Variants in ZRANB3 observed in about 807,000 individuals in gnomAD.
The protein encoded by ZRANB3 is zinc finger RANBP2-type containing 3.
In ZRANB3, 125 loss-of-function variants were observed where a neutral mutation model predicts 133.8. That is an observed-to-expected ratio of 0.93 (90% CI 0.81 to 1.08). The LOEUF is 1.08. Among genes scored for constraint, ZRANB3 ranks in the 50% least tolerant of loss-of-function variants. The pLI, the probability that ZRANB3 is intolerant of heterozygous loss-of-function variation, is 0.00. For synonymous variants in ZRANB3, 387 were observed against 432.7 expected (o/e 0.89, Z 1.31); for missense variants, 1,229 against 1,275.5 (o/e 0.96, Z 0.56).
chr2:135,521,571 A>C (rs1693941490), intron 1 of ZRANB3, among the ~76,000 whole-genome samples: 2 of 152,196 alleles, frequency 1.3e-5, no homozygotes, highest in South Asian at 4.1e-4. Context: ...TATGCTTCAG[A>C]CACTACAGAA....
intron 6 of ZRANB3, among the ~76,000 whole-genome samples, chr2:135,321,965 C>T (rs1683548291): frequency 6.6e-6 from 1 of 151,946 alleles, no homozygotes; most frequent in Admixed American, 6.6e-5. Context: ...TGTCTTTTAT[C>T]GTTCATGAAG....
chr2:135,470,424 G>A (rs1691204758), intron 2 of ZRANB3, among the ~76,000 whole-genome samples: 1 of 152,000 alleles, frequency 6.6e-6, no homozygotes, highest in African/African-American at 2.4e-5. Context: ...GGTGGCTCAC[G>A]CCTGTAATCC....
intron 12 of ZRANB3, among the ~76,000 whole-genome samples, chr2:135,232,427 G>A (rs535148310): frequency 1.4e-4 from 22 of 152,340 alleles, no homozygotes; most frequent in African/African-American, 5.0e-4. Flanking sequence ...GTCCCTGTCT[G>A]ACAGCTTTGA....
At chr2:135,392,088 G>A (rs1433587353) in intron 2 of ZRANB3, among the ~76,000 whole-genome samples, 1 of 151,958 alleles carries the variant, frequency 6.6e-6, no homozygotes. Flanking sequence ...ATATGATAAG[G>A]GGTAAAACTA....
chr2:135,482,697 T>C (rs1254725234), intron 2 of ZRANB3, among the ~76,000 whole-genome samples: 1 of 152,204 alleles, frequency 6.6e-6, no homozygotes, highest in Non-Finnish European at 1.5e-5. Flanking sequence ...CTTGTGCCAG[T>C]TTTCAAAGGG....
At chr2:135,238,894 C>G (rs1695429692) in intron 12 of ZRANB3, 1 of 152,204 alleles carries the variant, frequency 6.6e-6, no homozygotes, top group Non-Finnish European at 1.5e-5. Flanking sequence ...TGTGAGTGAA[C>G]AAGCCTTCAG....
intron 3 of ZRANB3, among the ~76,000 whole-genome samples, chr2:135,360,972 G>A (rs915555054): frequency 6.6e-6 from 1 of 151,848 alleles, no homozygotes; most frequent in Non-Finnish European, 1.5e-5. Flanking sequence ...GAGATGGGGG[G>A]GTCTCACTTT....
intron 2 of ZRANB3, among the ~76,000 whole-genome samples, chr2:135,483,225 C>T (rs570876817): frequency 8.6e-4 from 131 of 152,012 alleles, no homozygotes; most frequent in Middle Eastern, 3.4e-3. Flanking sequence ...TGGTAGAATT[C>T]GGCTGTGAAT....
chr2:135,264,450 A>C (rs966771506), intron 12 of ZRANB3, among the ~76,000 whole-genome samples: 4 of 149,508 alleles, frequency 2.7e-5, no homozygotes, highest in Non-Finnish European at 4.5e-5. Context: ...CAGCCAGGGC[A>C]ATAGTGCAAG....
intron 6 of ZRANB3, among the ~76,000 whole-genome samples, chr2:135,327,664 A>C (rs922660358): frequency 2.6e-5 from 4 of 152,170 alleles, no homozygotes; most frequent in African/African-American, 9.6e-5. Flanking sequence ...TTCACTGTTT[A>C]GTTATGTGAT....
chr2:135,272,414 C>CTTTTTTTTTTTTTTTTTTTTTTTTTTCTT (rs112209442), intron 9 of ZRANB3, among the ~76,000 whole-genome samples: 1 of 107,774 alleles, frequency 9.3e-6, no homozygotes, highest in Non-Finnish European at 1.7e-5. Context: ...GAAAATAGAG[C>CTTTTTTTTTTTTTTTTTTTTTTTTTTCTT]TTTTTTTTTT....
At chr2:135,273,207 G>GA (rs200843174) in intron 9 of ZRANB3, among the ~76,000 whole-genome samples, 5,744 of 147,070 alleles carry the variant, frequency 0.039, 392 homozygotes, top group African/African-American at 0.14. Flanking sequence ...AAAAAAAAAA[G>GA]AAAAAAAGAA....
intron 12 of ZRANB3, among the ~76,000 whole-genome samples, chr2:135,239,761 G>C (rs1224163982): frequency 6.6e-6 from 1 of 151,736 alleles, no homozygotes; most frequent in Non-Finnish European, 1.5e-5. Context: ...AGCTGAGGCG[G>C]GTGGATCACG....
At chr2:135,441,112 T>TGA (rs1689759888) in intron 2 of ZRANB3, among the ~76,000 whole-genome samples, 1 of 151,942 alleles carries the variant, frequency 6.6e-6, no homozygotes, top group Non-Finnish European at 1.5e-5. Context: ...ACATTTACTC[T>TGA]CAGACCCAAG....
chr2:135,412,961 G>A (rs553180421), intron 2 of ZRANB3, among the ~76,000 whole-genome samples: 3 of 152,194 alleles, frequency 2.0e-5, no homozygotes, highest in Non-Finnish European at 4.4e-5. Context: ...GATCTATTAT[G>A]TACCTTGAAA....
intron 8 of ZRANB3, among the ~76,000 whole-genome samples, chr2:135,306,908 T>C (rs1682734711): frequency 1.3e-5 from 2 of 152,074 alleles, no homozygotes; most frequent in South Asian, 4.1e-4. Context: ...TATTTATTAG[T>C]AGAGATGGGG....
intron 2 of ZRANB3, among the ~76,000 whole-genome samples, chr2:135,460,596 T>C (rs1368427204): frequency 6.6e-6 from 1 of 152,066 alleles, no homozygotes; most frequent in Non-Finnish European, 1.5e-5. Flanking sequence ...CCTGAAAATT[T>C]CCACTCATCC....
In ZRANB3 at chr2:135,290,350, C is replaced by T. The variant is rs559214426; in HGVS notation, c.967-14595G>A. Among the ~76,000 whole-genome samples the T allele has an allele frequency of 2.0e-5, 3 of 152,128 alleles. No homozygotes were observed. In the South Asian group the frequency reaches 6.2e-4, roughly 32 times the overall value. ...AGTCCTTTCATCATTATATAATGTC[C>T]CTGTTTGTCTCTTTTAACTGTTGTT... On this transcript the variant is annotated intron_variant, in intron 8 of 20. Transcript: ENST00000264159.
chr2:135,499,327 C>T (rs115585741), intron 2 of ZRANB3, among the ~76,000 whole-genome samples: 1,602 of 152,142 alleles, frequency 0.011, 25 homozygotes, highest in African/African-American at 0.037. Context: ...AGAATGAATG[C>T]GGATAAAGAT....
Sources: allele counts gnomAD v4.1 joint callset (sites outside exome capture counted in the v4.1 genomes callset), GRCh38; gene constraint gnomAD v4.1.1; transcripts MANE v1.5; gene names NCBI Gene and HGNC (gene_info 2026-07-23, HGNC 2026-07-21).